Variants in AUH observed in about 807,000 individuals in gnomAD.
The protein encoded by AUH is methylglutaconyl-CoA hydratase, mitochondrial.
In AUH, 29 loss-of-function variants were observed where a neutral mutation model predicts 42.3. The observed-to-expected ratio is 0.69, with a 90% CI of 0.51 to 0.93. AUH has a LOEUF of 0.93. AUH is among the 40% of genes least tolerant of loss of function. AUH has a pLI of 0.00. For missense variants in AUH, 452 were observed against 438.1 expected (o/e 1.03, Z -0.28); for synonymous variants, 174 against 166.4 (o/e 1.05, Z -0.35).
At chr9:91,282,138 G>C (rs1171983984) in intron 6 of AUH, among the ~76,000 whole-genome samples, 2 of 152,118 alleles carry the variant, frequency 1.3e-5, no homozygotes. Context: ...GTGATGTGGT[G>C]AATGTTCCAA....
intron 6 of AUH, among the ~76,000 whole-genome samples, chr9:91,257,310 C>T (rs1054679083): frequency 2.6e-5 from 4 of 152,016 alleles, no homozygotes; most frequent in East Asian, 3.9e-4. Flanking sequence ...CTGCCAGAGA[C>T]GAGTGGCAGT....
chr9:91,220,743 T>C, intron 7 of AUH, 62 bp downstream of exon 7: 1 of 1,581,716 alleles, frequency 6.3e-7, no homozygotes, highest in Non-Finnish European at 8.6e-7. Flanking sequence ...ACTGCTGTTT[T>C]AGTCAAAGTG....
chr9:91,235,417 C>T (rs1371306422), intron 6 of AUH, among the ~76,000 whole-genome samples: 3 of 151,934 alleles, frequency 2.0e-5, no homozygotes, highest in African/African-American at 4.8e-5. Context: ...TGTGAGTGTC[C>T]GATATTATGA....
intron 6 of AUH, among the ~76,000 whole-genome samples, chr9:91,294,496 C>T (rs990324576): frequency 2.6e-5 from 4 of 151,834 alleles, no homozygotes; most frequent in Non-Finnish European, 5.9e-5. Context: ...TGCAGTGAGC[C>T]GAGATCACAC....
At chr9:91,337,423 G>T (rs576583975) in intron 3 of AUH, among the ~76,000 whole-genome samples, 1 of 152,172 alleles carries the variant, frequency 6.6e-6, no homozygotes, top group Non-Finnish European at 1.5e-5. Context: ...GGAAGAAGAT[G>T]AATCTACCCC....
intron 6 of AUH, among the ~76,000 whole-genome samples, chr9:91,266,396 T>TA (rs1397904151): frequency 2.0e-5 from 3 of 149,932 alleles, no homozygotes; most frequent in African/African-American, 7.4e-5. Context: ...TAAATAAAAA[T>TA]AAAAAATAAA....
In AUH at chr9:91,357,415, T is replaced by A. The variant is rs940920517; in HGVS notation, c.263-1260A>T. ...TGTGTTACACTGTTCAAGCTTCAGT[T>A]TCCTCAGGAAGAAAATCAAGCAGCT... is the stretch of plus-strand genomic sequence containing the variant. On this transcript the variant is annotated intron_variant, in intron 1 of 9. Coordinates refer to ENST00000375731, the MANE Select transcript of AUH (RefSeq NM_001698.3). The A allele has an allele frequency of 8.5e-6, 7 of 819,154 alleles. No homozygotes were observed. In the African/African-American group the frequency reaches 1.1e-4, roughly 13 times the overall value. The allele number at this position is 819,154 out of a possible 1,614,324, so 50.7% of individuals were successfully genotyped here. A position where few individuals can be genotyped will look rare whatever the true frequency, so the allele number is the denominator to read the frequency against.
At chr9:91,328,848 G>A (rs1284532119) in intron 3 of AUH, among the ~76,000 whole-genome samples, 1 of 152,150 alleles carries the variant, frequency 6.6e-6, no homozygotes, top group Non-Finnish European at 1.5e-5. Flanking sequence ...AATTTACAGA[G>A]TTGTACAACC....
intron 6 of AUH, among the ~76,000 whole-genome samples, chr9:91,226,767 T>C (rs1448091242): frequency 2.8e-4 from 34 of 120,224 alleles, no homozygotes; most frequent in Admixed American, 5.3e-4. Context: ...GCTTTCTACA[T>C]ATGGCTAGCC....
At chr9:91,279,985 T>C (rs1587756119) in intron 6 of AUH, among the ~76,000 whole-genome samples, 1 of 152,184 alleles carries the variant, frequency 6.6e-6, no homozygotes, top group African/African-American at 2.4e-5. Context: ...GACATTTACG[T>C]CTGTCGGATG....
intron 3 of AUH, among the ~76,000 whole-genome samples, chr9:91,353,475 G>A (rs1479177300): frequency 3.3e-5 from 5 of 151,970 alleles, no homozygotes; most frequent in Non-Finnish European, 7.4e-5. Flanking sequence ...TGATAAATGT[G>A]GCCTGATTAA....
intron 6 of AUH, among the ~76,000 whole-genome samples, chr9:91,267,411 T>C (rs16907333): frequency 0.042 from 6,326 of 152,232 alleles, 412 homozygotes; most frequent in African/African-American, 0.14. Flanking sequence ...GCCCATGTTT[T>C]TCATTTTCAC....
chr9:91,361,637 C>G lies in AUH; in HGVS notation c.253G>C (p.Glu85Gln), dbSNP rs940124410. 5 of 1,583,368 alleles carry G rather than the reference C, an allele frequency of 3.2e-6. No homozygotes were observed. The African/African-American group carries it at 6.8e-5, about 21-fold the overall frequency. The change falls in exon 1 of 10, where the codon GAG (glutamate) becomes CAG (glutamine). Residue 85 changes from glutamate to glutamine, a missense_variant. Physicochemically the swap from Glu to Gln is conservative, Grantham distance 29. Coordinates refer to ENST00000375731, the MANE Select transcript of AUH (RefSeq NM_001698.3). Reference protein sequence around the residue: ...DELRVRHLEEENRGIVVLGIN... With the variant: ...DELRVRHLEEQNRGIVVLGIN... ...AGCGTTCGCACCTCACCTCGGTTCT[C>G]CTCCTCCAGGTGCCGCACCCGCAGC...
chr9:91,343,072 A>AC (rs1181385436), intron 3 of AUH: 3 of 152,092 alleles, frequency 2.0e-5, no homozygotes, highest in African/African-American at 7.2e-5. Context: ...TTGTTACTCA[A>AC]CCCTTTATGT....
At chr9:91,340,927 C>T (rs1831058485) in intron 3 of AUH, among the ~76,000 whole-genome samples, 1 of 152,206 alleles carries the variant, frequency 6.6e-6, no homozygotes, top group African/African-American at 2.4e-5. Context: ...AAGAGGCACA[C>T]AAAGCCTAAA....
intron 6 of AUH, among the ~76,000 whole-genome samples, chr9:91,227,294 A>G (rs1012516143): frequency 1.5e-5 from 2 of 134,018 alleles, no homozygotes; most frequent in African/African-American, 5.2e-5. Flanking sequence ...ATTCCTAGGT[A>G]TTTTATTCTC....
At chr9:91,321,630 A>G (rs1416026473) in intron 4 of AUH, among the ~76,000 whole-genome samples, 1 of 152,218 alleles carries the variant, frequency 6.6e-6, no homozygotes, top group African/African-American at 2.4e-5. Context: ...CAACAGGAAA[A>G]ATGAAGATAG....
chr9:91,261,026 A>C (rs117527203), intron 6 of AUH, among the ~76,000 whole-genome samples: 1 of 152,144 alleles, frequency 6.6e-6, no homozygotes, highest in East Asian at 1.9e-4. Flanking sequence ...CATTTCTCTT[A>C]TTAGTTTTTT....
intron 6 of AUH, among the ~76,000 whole-genome samples, chr9:91,236,568 T>TA (rs1828196827): frequency 6.6e-6 from 1 of 152,134 alleles, no homozygotes; most frequent in African/African-American, 2.4e-5. Context: ...CCTGAGGACT[T>TA]AGTGAGGTCT....
Sources: gnomAD v4.1 joint callset for allele counts (sites outside exome capture counted in the v4.1 genomes callset) on GRCh38, gnomAD v4.1.1 for gene constraint, MANE v1.5 for transcripts, NCBI Gene and HGNC (gene_info 2026-07-23, HGNC 2026-07-21) for gene names.